Variants in KAZN observed in about 807,000 individuals in gnomAD.
KAZN encodes kazrin, periplakin interacting protein.
In KAZN, 40 loss-of-function variants were observed where a neutral mutation model predicts 87.4. The ratio of observed to expected loss-of-function variants is 0.46; its 90% CI spans 0.36 to 0.60. KAZN has a LOEUF of 0.60. Ranked by LOEUF, KAZN falls within the 20% of genes least tolerant of loss-of-function variation. KAZN has a pLI of 0.00. For missense variants in KAZN, 898 were observed against 1,073.9 expected (o/e 0.84, Z 2.29); for synonymous variants, 466 against 458.3 (o/e 1.02, Z -0.22).
chr1:14,596,312 A>ATG (rs1557823923), upstream of KAZN, among the ~76,000 whole-genome samples: 4 of 27,190 alleles, frequency 1.5e-4, no homozygotes, highest in Admixed American at 5.9e-4. Context: ...GTGTGCGCAC[A>ATG]CACACACACA....
At chr1:14,558,304 G>A (rs1038808831) in intron 2 of KAZN, among the ~76,000 whole-genome samples, 2 of 152,176 alleles carry the variant, frequency 1.3e-5, no homozygotes, top group Admixed American at 1.3e-4. Flanking sequence ...GAAGGTAAAT[G>A]GACCAGCTGG....
chr1:14,685,761 T>C (rs141259691), intron 1 of KAZN, among the ~76,000 whole-genome samples: 1 of 152,314 alleles, frequency 6.6e-6, no homozygotes, highest in South Asian at 2.1e-4. Flanking sequence ...TGGCAGAGGA[T>C]AAGGAACCAC....
intron 10 of KAZN, among the ~76,000 whole-genome samples, chr1:15,095,737 C>T (rs1008252411): frequency 6.6e-6 from 1 of 152,088 alleles, no homozygotes; most frequent in African/African-American, 2.4e-5. Context: ...TTAATCAAAC[C>T]TGGTGGTGTG....
intron 2 of KAZN, among the ~76,000 whole-genome samples, chr1:14,429,579 C>A (rs1427079104): frequency 1.3e-5 from 2 of 152,102 alleles, no homozygotes; most frequent in East Asian, 3.9e-4. Context: ...AAGGCATTCA[C>A]AAAAGGGGAG....
chr1:14,595,697 AAG>A (rs200550253), upstream of KAZN, among the ~76,000 whole-genome samples: 1 of 148,950 alleles, frequency 6.7e-6, no homozygotes, highest in African/African-American at 2.6e-5. Context: ...AAAAAAAAAA[AAG>A]AAAAAGAAAA....
intron 1 of KAZN, among the ~76,000 whole-genome samples, chr1:13,901,397 G>T (rs191110636): frequency 4.6e-5 from 7 of 152,300 alleles, no homozygotes; most frequent in Admixed American, 4.6e-4. Context: ...AGACAGTCAC[G>T]GGAAGAAGCG....
chr1:14,375,965 T>C (rs968348483), intron 2 of KAZN, among the ~76,000 whole-genome samples: 28 of 152,026 alleles, frequency 1.8e-4, no homozygotes, highest in African/African-American at 6.3e-4. Context: ...CACAAAGTCA[T>C]TGGAGTATGT....
chr1:14,200,660 T>G (rs966505114), intron 2 of KAZN, among the ~76,000 whole-genome samples: 4 of 152,162 alleles, frequency 2.6e-5, no homozygotes, highest in Non-Finnish European at 5.9e-5. Context: ...GTGAAGCAAG[T>G]GCAATTGTGT....
rs1644966642 is a variant in KAZN at position 14,769,449 on chromosome 1, G to A, written c.226+170226G>A. Among the ~76,000 whole-genome samples the A allele has an allele frequency of 6.6e-6, 1 of 152,108 alleles. No individual in the cohort carries two copies. Among genetic ancestry groups the A allele is most frequent in the Admixed American group, 6.5e-5 (1 of 15,282 alleles). ...GGCTCACTGCAACCTCTGCCTCCCG[G>A]GTTCAAGCGATTCTCGTGCCTCATT... On this transcript the variant is annotated intron_variant, in intron 1 of 14. Coordinates refer to ENST00000376030, the MANE Select transcript of KAZN (RefSeq NM_201628.3). The surrounding 1 kb of genome is among the most constrained non-coding windows in gnomAD (Gnocchi z 4.1).
chr1:14,031,017 G>A (rs180857363), intron 1 of KAZN, among the ~76,000 whole-genome samples: 4 of 152,080 alleles, frequency 2.6e-5, no homozygotes, highest in Admixed American at 6.6e-5. Flanking sequence ...TTGTGCCCAC[G>A]GTTTCTCCTG....
intron 2 of KAZN, among the ~76,000 whole-genome samples, chr1:14,206,599 A>T (rs1646750077): frequency 6.6e-6 from 1 of 152,214 alleles, no homozygotes; most frequent in Middle Eastern, 3.2e-3. Flanking sequence ...TTTTAAAAAA[A>T]ATAAAATCTT....
intron 2 of KAZN, among the ~76,000 whole-genome samples, chr1:14,461,088 G>T (rs1363095397): frequency 6.6e-6 from 1 of 152,122 alleles, no homozygotes; most frequent in Non-Finnish European, 1.5e-5. Flanking sequence ...TGTGAAATTT[G>T]TCACTGCTTT....
At chr1:14,799,192 C>T (rs1338959489) in intron 1 of KAZN, among the ~76,000 whole-genome samples, 1 of 152,234 alleles carries the variant, frequency 6.6e-6, no homozygotes, top group Non-Finnish European at 1.5e-5. Context: ...CTATCCTACC[C>T]TGTTTAAGGC....
intron 1 of KAZN, among the ~76,000 whole-genome samples, chr1:13,904,192 A>G (rs10927952): frequency 0.043 from 6,471 of 152,258 alleles, 451 homozygotes; most frequent in East Asian, 0.35. Flanking sequence ...CCGGGCGAGG[A>G]GGTGCCCTGG....
At chr1:13,942,067 C>T (rs1640947575) in intron 1 of KAZN, among the ~76,000 whole-genome samples, 1 of 152,042 alleles carries the variant, frequency 6.6e-6, no homozygotes, top group South Asian at 2.1e-4. Context: ...GAGGAAGGTC[C>T]CTGGCAATTC....
At chr1:15,029,338 C>T (rs1184835542) in intron 2 of KAZN, among the ~76,000 whole-genome samples, 1 of 152,198 alleles carries the variant, frequency 6.6e-6, no homozygotes, top group Non-Finnish European at 1.5e-5. Context: ...ACAGTAGGTG[C>T]TTAATTGAAC....
chr1:15,051,881 A>G (rs972901185), intron 4 of KAZN, among the ~76,000 whole-genome samples: 2 of 152,216 alleles, frequency 1.3e-5, no homozygotes, highest in African/African-American at 2.4e-5. Context: ...GTTACACAGC[A>G]AGTTAAGTGG....
intron 8 of KAZN, among the ~76,000 whole-genome samples, chr1:15,089,524 C>G (rs1335176198): frequency 6.6e-6 from 1 of 152,030 alleles, no homozygotes; most frequent in Non-Finnish European, 1.5e-5. Flanking sequence ...GTGCCCAAGC[C>G]CCAGGAGAGG....
At chr1:14,657,904 T>G (rs1304882948) in intron 1 of KAZN, among the ~76,000 whole-genome samples, 1 of 152,184 alleles carries the variant, frequency 6.6e-6, no homozygotes, top group African/African-American at 2.4e-5. Context: ...GTTTTGTTTT[T>G]TTAGTTAGCC....
Sources: allele counts gnomAD v4.1 joint callset (sites outside exome capture counted in the v4.1 genomes callset), GRCh38; gene constraint gnomAD v4.1.1; non-coding constraint Gnocchi (gnomAD v3.1); transcripts MANE v1.5; gene names NCBI Gene and HGNC (gene_info 2026-07-23, HGNC 2026-07-21).